Variants in MAT1A observed in about 807,000 individuals in gnomAD.
MAT1A encodes S-adenosylmethionine synthase isoform type-1.
Under a neutral mutation model 44.0 loss-of-function variants are expected in MAT1A, and 19 were observed. That is an observed-to-expected ratio of 0.43 (90% CI 0.30 to 0.63). MAT1A has a LOEUF of 0.63. MAT1A is among the 30% of genes least tolerant of loss of function. MAT1A has a pLI of 0.12. For synonymous variants in MAT1A, 205 were observed against 205.6 expected (o/e 1.00, Z 0.03); for missense variants, 397 against 531.0 (o/e 0.75, Z 2.48).
rs41284062 is a variant in MAT1A, at chr10:80,272,689, G to C, written c.*1092C>G. ...TGCTGCTTCTGCTCCAGGAAGCCCAGATAGGACTGGACTGGACTTAGACCA... is the reference window on the plus strand; with the variant it reads ...TGCTGCTTCTGCTCCAGGAAGCCCACATAGGACTGGACTGGACTTAGACCA... On this transcript the variant is annotated 3_prime_UTR_variant, in exon 9 of 9. Coordinates refer to ENST00000372213, the MANE Select transcript of MAT1A (RefSeq NM_000429.3). The C allele has an allele frequency of 0.054, 8,284 of 152,442 alleles. 294 individuals are homozygous for C. The highest frequency in any genetic ancestry group is 0.083 in the Non-Finnish European group (5,654 of 68,172). 9.4% of individuals were successfully genotyped at this position (152,442 alleles called of 1,614,324 possible).
At position 80,289,494 on chromosome 10, in the gene MAT1A, T is replaced by TG; in HGVS notation, c.-72_-71insC. 8.7e-7 allele frequency: 1 copy of TG among 1,153,054 alleles called. No homozygotes were observed. Among genetic ancestry groups the TG allele is most frequent in the Non-Finnish European group, 1.3e-6 (1 of 799,462 alleles). 71.4% of individuals were successfully genotyped at this position (1,153,054 alleles called of 1,614,324 possible). On this transcript the variant is annotated 5_prime_UTR_variant, in exon 1 of 9. Coordinates refer to ENST00000372213, the MANE Select transcript of MAT1A (RefSeq NM_000429.3). ...AGGCTGTGACTTTGCCTGAGTTTTTTTTTCTTCTTCTTCTTCTTCTTTCAA... is the reference window on the plus strand; with the variant it reads ...AGGCTGTGACTTTGCCTGAGTTTTTTGTTTCTTCTTCTTCTTCTTCTTTCAA...
intron 7 of MAT1A, 28 bp from the exon 8 acceptor site, chr10:80,274,681 T>A: frequency 6.2e-7 from 1 of 1,613,846 alleles, no homozygotes; most frequent in Non-Finnish European, 8.5e-7. Context: ...CGTCAGGGAT[T>A]GAAGCCTCTG....
chr10:80,275,205 G>A lies in MAT1A; in HGVS notation c.769-6C>T. On this transcript the variant is annotated splice_polypyrimidine_tract_variant and splice_region_variant and intron_variant, in intron 6 of 8. Coordinates refer to ENST00000372213, the MANE Select transcript of MAT1A (RefSeq NM_000429.3). ...CCAGTGACACCCGCATCCCCCTGCA[G>A]AGGGAGAGAAATCAAGATAAGAAGC... 1 of 1,611,372 alleles carries A rather than the reference G, an allele frequency of 6.2e-7. No individual in the cohort carries two copies. Among genetic ancestry groups the A allele is most frequent in the Non-Finnish European group, 8.5e-7 (1 of 1,178,850 alleles).
chr10:80,286,600 A>G (rs778234511), intron 1 of MAT1A, among the ~76,000 whole-genome samples: 1 of 152,176 alleles, frequency 6.6e-6, no homozygotes, highest in African/African-American at 2.4e-5. Flanking sequence ...TTCTTCCACT[A>G]TTTGCCTTAA....
intron 5 of MAT1A, among the ~76,000 whole-genome samples, chr10:80,279,516 G>A (rs1841531486): frequency 6.6e-6 from 1 of 152,066 alleles, no homozygotes. Context: ...AATCATGAGA[G>A]GGCTCATTGG....
chr10:80,275,070 A>G lies in MAT1A; in HGVS notation c.898T>C (p.Trp300Arg). 2 of 1,575,706 alleles carry G rather than the reference A, an allele frequency of 1.3e-6. No individual in the cohort carries two copies. Among genetic ancestry groups the G allele is most frequent in the East Asian group, 2.3e-5 (1 of 42,582 alleles). Residue 300 changes from tryptophan (W) to arginine (R), a missense_variant, in exon 7 of 9, where the codon TGG becomes CGG. Transcript: ENST00000372213. ...GCTTTCACCAGAGACTTGGCCACCCAGCGGGCAGCATATGCAGCTGAGCGG... is the reference window on the plus strand; with the variant it reads ...GCTTTCACCAGAGACTTGGCCACCCGGCGGGCAGCATATGCAGCTGAGCGG... ...VDRSAAYAARWVAKSLVKAGL... is the reference protein window; with the variant it reads ...VDRSAAYAARRVAKSLVKAGL...
Position 80,280,695 on chromosome 10 carries a change from C to T in MAT1A, c.390G>A (p.Val130=), listed in dbSNP as rs746334314. 6 of 1,614,012 alleles carry T rather than the reference C, an allele frequency of 3.7e-6. No homozygotes were observed. Among genetic ancestry groups the T allele is most frequent in the Non-Finnish European group, 2.5e-6 (3 of 1,179,966 alleles). ...CVHLDRNEED[V]GAGDQGLMFG... ...GCCGAGCTACCTGATCTCCTGCCCC[C>T]ACATCCTCCTCATTTCTGTCCAGAT... Residue 130 remains valine, a synonymous_variant, in exon 4 of 9, where the codon GTG becomes GTA. Transcript: ENST00000372213.
In MAT1A at chr10:80,272,224, CCCCTGGGGCCCATGGAGG is replaced by C. The variant is rs1470988137; in HGVS notation, c.*1539_*1556del. 2 of 152,490 alleles carry C rather than the reference CCCCTGGGGCCCATGGAGG, an allele frequency of 1.3e-5. No individual in the cohort carries two copies. Among genetic ancestry groups the C allele is most frequent in the Non-Finnish European group, 2.9e-5 (2 of 68,284 alleles). 9.4% of individuals were successfully genotyped at this position (152,490 alleles called of 1,614,324 possible). A position where few individuals can be genotyped will look rare whatever the true frequency, so the allele number is the denominator to read the frequency against. On this transcript the variant is annotated 3_prime_UTR_variant, in exon 9 of 9. Transcript: ENST00000372213. ...AGAGAGAGGCCAAGTCCCCAGTGTT[CCCCTGGGGCCCATGGAGG>C]CCCCTGCCTGAGCCTGTGGTCCTGG... is the stretch of plus-strand genomic sequence containing the variant.
intron 3 of MAT1A, among the ~76,000 whole-genome samples, chr10:80,281,343 A>G (rs1254234640): frequency 6.6e-6 from 1 of 152,172 alleles, no homozygotes; most frequent in Non-Finnish European, 1.5e-5. Flanking sequence ...TGACCCTGAG[A>G]GGTACACAGA....
In MAT1A at chr10:80,284,012, G is replaced by A. The variant is rs1199724105; in HGVS notation, c.196C>T (p.Leu66=). 6.2e-7 allele frequency: 1 copy of A among 1,614,206 alleles called. No homozygotes were observed. ...CETVCKTGMV[L]LCGEITSMAM... is the part of the protein sequence containing the mutation. ...ATTGAGGTGATCTCACCACACAGCA[G>A]CACCATGCCGGTCTTGCACACTGTC... Residue 66 remains leucine, a synonymous_variant, in exon 3 of 9, where the codon CTG becomes TTG. Coordinates refer to ENST00000372213, the MANE Select transcript of MAT1A (RefSeq NM_000429.3).
intron 3 of MAT1A, among the ~76,000 whole-genome samples, chr10:80,283,190 C>T (rs1397979227): frequency 1.3e-5 from 2 of 152,254 alleles, no homozygotes; most frequent in South Asian, 2.1e-4. Flanking sequence ...AGAATGTGAT[C>T]GCATACAGGC....
intron 8 of MAT1A, 133 bp downstream of exon 8, chr10:80,274,386 GT>G: frequency 7.8e-7 from 1 of 1,284,632 alleles, no homozygotes; most frequent in Admixed American, 1.7e-5. Context: ...GCACTGTGCT[GT>G]ACCAAGAGCT....
chr10:80,278,109 C>A (rs1369416101), intron 5 of MAT1A, among the ~76,000 whole-genome samples: 5 of 152,212 alleles, frequency 3.3e-5, no homozygotes, highest in African/African-American at 1.2e-4. Context: ...CGAGGGGCCT[C>A]CTGGAGCCCC....
intron 3 of MAT1A, among the ~76,000 whole-genome samples, chr10:80,283,303 T>C (rs918261037): frequency 6.6e-6 from 1 of 152,252 alleles, no homozygotes; most frequent in Non-Finnish European, 1.5e-5. Flanking sequence ...TTCAAAGTTC[T>C]GCTAGGGCCT....
rs747987000 is a variant in MAT1A at position 80,276,438 on chromosome 10, G to T, written c.706C>A (p.Leu236Met). Residue 236 changes from leucine (L) to methionine (M), a missense_variant, in exon 6 of 9, where the codon CTG becomes ATG. Leu to Met is a conservative substitution (Grantham distance 15). Transcript: ENST00000372213. ...VIRAVVPAKY[L>M]DEDTVYHLQP... ...AGGTGGTAGACGGTGTCTTCGTCCAGGTACTTGGCCGGCACCACGGCCCTG... is the reference window on the plus strand; with the variant it reads ...AGGTGGTAGACGGTGTCTTCGTCCATGTACTTGGCCGGCACCACGGCCCTG... 1.5e-5 allele frequency: 25 copies of T among 1,614,190 alleles called. No homozygotes were observed. In the South Asian group the frequency reaches 2.3e-4, roughly 15 times the overall value.
intron 1 of MAT1A, among the ~76,000 whole-genome samples, chr10:80,287,184 G>C (rs558577429): frequency 2.0e-5 from 3 of 152,324 alleles, no homozygotes; most frequent in African/African-American, 7.2e-5. Context: ...CTCCCACTCT[G>C]CCTAGGGAAA....
chr10:80,280,416 G>A (rs1841550352), intron 4 of MAT1A, 100 bp from the exon 5 acceptor site: 13 of 1,449,276 alleles, frequency 9.0e-6, no homozygotes, highest in Non-Finnish European at 1.2e-5. Context: ...CGTTGATTGG[G>A]TGCCTCCTCC....
chr10:80,288,370 T>C (rs977149934), intron 1 of MAT1A, among the ~76,000 whole-genome samples: 4 of 152,154 alleles, frequency 2.6e-5, no homozygotes, highest in Non-Finnish European at 5.9e-5. Flanking sequence ...TCAGAAACTC[T>C]GGAGGGTGGG....
intron 3 of MAT1A, among the ~76,000 whole-genome samples, chr10:80,281,755 G>T (rs1841570775): frequency 6.6e-6 from 1 of 152,222 alleles, no homozygotes; most frequent in Non-Finnish European, 1.5e-5. Flanking sequence ...GGGATCTACT[G>T]CCAAGGAATA....
Sources: gnomAD v4.1 joint callset for allele counts (sites outside exome capture counted in the v4.1 genomes callset) on GRCh38, gnomAD v4.1.1 for gene constraint, MANE v1.5 for transcripts, NCBI Gene and HGNC (gene_info 2026-07-23, HGNC 2026-07-21) for gene names.